SLC22A24: variants seen among roughly 807,000 people sequenced by gnomAD.
The protein encoded by SLC22A24 is solute carrier family 22 member 24, also known as steroid transmembrane transporter SLC22A24.
SLC22A24 carries 53 observed loss-of-function variants against 49.8 expected under a neutral mutation model. The observed-to-expected ratio is 1.06, with a 90% CI of 0.85 to 1.34. SLC22A24 has a LOEUF of 1.34. Ranked by LOEUF, SLC22A24 falls within the 40% of genes most tolerant of loss-of-function variation. The pLI, the probability that SLC22A24 is intolerant of heterozygous loss-of-function variation, is 0.00. For missense variants in SLC22A24, 786 were observed against 675.9 expected (o/e 1.16, Z -1.81); for synonymous variants, 302 against 256.4 (o/e 1.18, Z -1.70).
chr11:63,137,764 A>G (rs2087386002), intron 1 of SLC22A24: 1 of 152,184 alleles, frequency 6.6e-6, no homozygotes, highest in Admixed American at 6.5e-5. Context: ...CCTCTTTTAA[A>G]GTGGCATGAA....
Position 63,096,076 on chromosome 11 carries a change from C to G in SLC22A24, c.985G>C (p.Asp329His). ...LVRSTMKKEL[D>H]AVRIKTSIFS... ...ATGGATGTTTTAATTCGGACTGCAT[C>G]CAACTCCTTCTTCATGGTGGATCTC... Residue 329 changes from aspartate (D) to histidine (H), a missense_variant, in exon 6 of 10, where the codon GAT becomes CAT. By Grantham distance (81) the Asp-to-His change is moderately conservative (BLOSUM62 -1). Coordinates refer to ENST00000612278, the MANE Select transcript of SLC22A24 (RefSeq NM_001136506.2). The G allele has an allele frequency of 6.4e-7, 1 of 1,550,698 alleles. No homozygotes were observed. The highest frequency in any genetic ancestry group is 2.4e-5 in the East Asian group (1 of 40,898).
At chr11:63,105,625 A>G (rs190110840) in intron 4 of SLC22A24, among the ~76,000 whole-genome samples, 27 of 152,152 alleles carry the variant, frequency 1.8e-4, no homozygotes, top group Admixed American at 1.3e-3. Context: ...AGGACTCAGG[A>G]CACCTGCCCC....
At chr11:63,126,915 G>A (rs2087295281) in intron 2 of SLC22A24, among the ~76,000 whole-genome samples, 1 of 152,100 alleles carries the variant, frequency 6.6e-6, no homozygotes, top group South Asian at 2.1e-4. Flanking sequence ...AGTAGCAATT[G>A]TGAATGGGAG....
rs574994168 is a variant in SLC22A24 at position 63,120,661 on chromosome 11, CA to C, written c.507-1327del. ...CACCCTTTCTAGAGTTAACTTTGAC[CA>C]AATTACATGAGTTGATACTAAATTC... On this transcript the variant is annotated intron_variant, in intron 2 of 9. Coordinates refer to ENST00000612278, the MANE Select transcript of SLC22A24 (RefSeq NM_001136506.2). 1.3e-3 allele frequency among the ~76,000 whole-genome samples: 198 copies of C among 152,050 alleles called. 1 individual carries two copies. The highest frequency in any genetic ancestry group is 3.1e-3 in the South Asian group (15 of 4,794).
intron 6 of SLC22A24, among the ~76,000 whole-genome samples, chr11:63,089,600 C>A (rs1178589266): frequency 6.6e-6 from 1 of 152,036 alleles, no homozygotes; most frequent in Non-Finnish European, 1.5e-5. Context: ...GGGCTAAATG[C>A]CTCAATTAAA....
intron 8 of SLC22A24, 30 bp from the exon 9 acceptor site, chr11:63,081,153 C>T: frequency 1.3e-6 from 2 of 1,517,400 alleles, no homozygotes; most frequent in Non-Finnish European, 1.8e-6. Flanking sequence ...TACAAAAAAT[C>T]TTGTATGAAT....
At chr11:63,085,138 G>C (rs970700375) in intron 6 of SLC22A24, among the ~76,000 whole-genome samples, 1 of 152,034 alleles carries the variant, frequency 6.6e-6, no homozygotes, top group Admixed American at 6.6e-5. Context: ...GATAAAACTT[G>C]CAGATAAAAT....
chr11:63,083,468 T>C lies in SLC22A24; in HGVS notation c.1071-11A>G, dbSNP rs1223611870. ...ACAGTGATTGCGAATCTGAAGTGAA[T>C]AAAAAGGACAAAGACATATTCAATA... On this transcript the variant is annotated splice_polypyrimidine_tract_variant and intron_variant, in intron 6 of 9. Transcript: ENST00000612278. The C allele has an allele frequency of 9.7e-6, 15 of 1,542,510 alleles. No homozygotes were observed. Among genetic ancestry groups the C allele is most frequent in the East Asian group, 2.4e-5 (1 of 40,866 alleles).
At chr11:63,080,105 A>T in intron 9 of SLC22A24, 105 bp from the exon 10 acceptor site, 1 of 681,774 alleles carries the variant, frequency 1.5e-6, no homozygotes, top group Non-Finnish European at 2.5e-6. Flanking sequence ...GCTGCCCTCT[A>T]CCCACCAGCA....
In SLC22A24 at chr11:63,141,278, T is replaced by G. The variant is rs2087414030; in HGVS notation, c.402+2100A>C. On this transcript the variant is annotated intron_variant, in intron 1 of 9. Transcript: ENST00000612278. ...TTTGAAGACAATTTTTATGTAATGTTAAAAGATAATGAAAGGGTTTTGTTT... is the reference window on the plus strand; with the variant it reads ...TTTGAAGACAATTTTTATGTAATGTGAAAAGATAATGAAAGGGTTTTGTTT... Among the ~76,000 whole-genome samples, 4 of 152,200 alleles carry G rather than the reference T, an allele frequency of 2.6e-5. No homozygotes were observed. The South Asian group carries it at 8.3e-4, about 31-fold the overall frequency.
At position 63,128,995 on chromosome 11, in the gene SLC22A24, G is replaced by T. The variant is rs535569600; in HGVS notation, c.506+5670C>A. 9.9e-5 allele frequency among the ~76,000 whole-genome samples: 15 copies of T among 152,270 alleles called. No homozygotes were observed. In the South Asian group the frequency reaches 1.0e-3, roughly 11 times the overall value. On this transcript the variant is annotated intron_variant, in intron 2 of 9. Transcript: ENST00000612278. ...GGTCCCTACAAATTAGATCCCATTT[G>T]TCTATTTTGGCTTTTGTTGCCATTG... is the stretch of plus-strand genomic sequence containing the variant.
At chr11:63,107,236 G>A (rs899650927) in intron 4 of SLC22A24, among the ~76,000 whole-genome samples, 2 of 152,216 alleles carry the variant, frequency 1.3e-5, no homozygotes, top group Admixed American at 6.5e-5. Context: ...AAGATCAGAT[G>A]GTTGTAGATG....
At chr11:63,127,636 A>C (rs112517438) in intron 2 of SLC22A24, among the ~76,000 whole-genome samples, 2,971 of 152,146 alleles carry the variant, frequency 0.02, 99 homozygotes, top group African/African-American at 0.067. Context: ...CCTCTCCAGC[A>C]CCTGTTGTTT....
intron 5 of SLC22A24, among the ~76,000 whole-genome samples, chr11:63,097,231 GAA>G (rs5792276): frequency 2.0e-5 from 3 of 149,876 alleles, no homozygotes; most frequent in South Asian, 2.1e-4. Context: ...AAATTTACAA[GAA>G]AAAAAAAACA....
chr11:63,132,798 G>T (rs191408375), intron 2 of SLC22A24, among the ~76,000 whole-genome samples: 2 of 152,162 alleles, frequency 1.3e-5, no homozygotes, highest in South Asian at 2.1e-4. Context: ...TTTTCTCAGA[G>T]CTCGAATGCC....
chr11:63,133,100 G>A (rs574678321), intron 2 of SLC22A24, among the ~76,000 whole-genome samples: 8 of 152,280 alleles, frequency 5.3e-5, no homozygotes, highest in African/African-American at 1.9e-4. Flanking sequence ...AAGGCTCAGT[G>A]GGCATGGGAC....
intron 2 of SLC22A24, among the ~76,000 whole-genome samples, chr11:63,123,491 C>T (rs908939240): frequency 3.9e-5 from 6 of 152,088 alleles, no homozygotes; most frequent in Non-Finnish European, 5.9e-5. Context: ...TAGCTTTGAC[C>T]TCTTCTGTGA....
intron 6 of SLC22A24, among the ~76,000 whole-genome samples, chr11:63,084,086 A>G (rs983545526): frequency 6.6e-6 from 1 of 152,184 alleles, no homozygotes; most frequent in African/African-American, 2.4e-5. Context: ...TCAACCACCA[A>G]GGTCAGCTTG....
chr11:63,130,428 A>C (rs1401910841), intron 2 of SLC22A24, among the ~76,000 whole-genome samples: 1 of 152,076 alleles, frequency 6.6e-6, no homozygotes, highest in African/African-American at 2.4e-5. Context: ...GATGTTGGTC[A>C]AAAATTCTCT....
Sources: allele counts gnomAD v4.1 joint callset (sites outside exome capture counted in the v4.1 genomes callset), GRCh38; gene constraint gnomAD v4.1.1; transcripts MANE v1.5; gene names NCBI Gene and HGNC (gene_info 2026-07-23, HGNC 2026-07-21).